ARMC8: variants seen among roughly 807,000 people sequenced by gnomAD.
ARMC8 encodes armadillo repeat containing 8, also known as armadillo repeat-containing protein 8.
In ARMC8, 20 loss-of-function variants were observed where a neutral mutation model predicts 99.3. The observed-to-expected ratio is 0.20, with a 90% CI of 0.14 to 0.29. The LOEUF is 0.29. Among genes scored for constraint, ARMC8 ranks in the 10% least tolerant of loss-of-function variants. ARMC8 has a pLI of 1.00. For synonymous variants in ARMC8, 263 were observed against 278.3 expected (o/e 0.95, Z 0.55); for missense variants, 569 against 809.5 (o/e 0.70, Z 3.60).
At chr3:138,233,523 A>G (rs573732557) in intron 6 of ARMC8, among the ~76,000 whole-genome samples, 1 of 152,318 alleles carries the variant, frequency 6.6e-6, no homozygotes, top group East Asian at 1.9e-4. Flanking sequence ...ATTAAAAATA[A>G]GAAACTCAAA....
At chr3:138,201,598 A>G (rs1389770066) in intron 1 of ARMC8, among the ~76,000 whole-genome samples, 2 of 151,474 alleles carry the variant, frequency 1.3e-5, no homozygotes, top group Admixed American at 6.6e-5. Flanking sequence ...AGTAGGTAGC[A>G]TTACAGGCAC....
intron 18 of ARMC8, among the ~76,000 whole-genome samples, chr3:138,282,021 G>C (rs140736088): frequency 6.6e-6 from 1 of 152,316 alleles, no homozygotes; most frequent in Non-Finnish European, 1.5e-5. Context: ...GAACAAGAGA[G>C]TAATAAGCTA....
intron 1 of ARMC8, among the ~76,000 whole-genome samples, chr3:138,204,689 A>G (rs376603049): frequency 1.3e-5 from 2 of 152,226 alleles, no homozygotes; most frequent in African/African-American, 4.8e-5. Context: ...AGGATTTGAC[A>G]TAGTTGATTA....
intron 9 of ARMC8, 71 bp downstream of exon 9, chr3:138,237,643 A>G (rs958031372): frequency 3.1e-6 from 4 of 1,302,818 alleles, no homozygotes; most frequent in Middle Eastern, 2.7e-4. Context: ...TGGACAACCA[A>G]ATTTGCTTGC....
intron 2 of ARMC8, among the ~76,000 whole-genome samples, chr3:138,215,766 T>C (rs990050654): frequency 6.6e-6 from 1 of 152,136 alleles, no homozygotes; most frequent in Admixed American, 6.5e-5. Flanking sequence ...TTTTCAAAAT[T>C]ATGTATTCAC....
At chr3:138,195,374 G>C (rs1397039608) in intron 1 of ARMC8, among the ~76,000 whole-genome samples, 1 of 152,046 alleles carries the variant, frequency 6.6e-6, no homozygotes. Context: ...TAATGGCAGT[G>C]TGTGAAAAAT....
chr3:138,230,763 A>C lies in ARMC8; in HGVS notation c.528+1753A>C, dbSNP rs367886279. 9.8e-5 allele frequency among the ~76,000 whole-genome samples: 15 copies of C among 152,338 alleles called. No individual in the cohort carries two copies. The South Asian group carries it at 3.1e-3, about 32-fold the overall frequency. ...GCTACTGAAAATTGGACCTGGAGGAATAACTACATGTTAAATTATTTTAAG... is the reference window on the plus strand; with the variant it reads ...GCTACTGAAAATTGGACCTGGAGGACTAACTACATGTTAAATTATTTTAAG... On this transcript the variant is annotated intron_variant, in intron 6 of 21. Coordinates refer to ENST00000469044, the MANE Select transcript of ARMC8 (RefSeq NM_001363941.2).
At chr3:138,209,295 G>A (rs187739247) in intron 1 of ARMC8, among the ~76,000 whole-genome samples, 1 of 152,142 alleles carries the variant, frequency 6.6e-6, no homozygotes, top group African/African-American at 2.4e-5. Flanking sequence ...TCTAGGGCTC[G>A]CCACAAAGGT....
intron 10 of ARMC8, 51 bp from the exon 11 acceptor site, chr3:138,241,732 T>C (rs767959495): frequency 6.5e-7 from 1 of 1,529,928 alleles, no homozygotes. Flanking sequence ...ACTATATGCT[T>C]AAGCTTTTAC....
chr3:138,285,070 C>G (rs893317950), intron 19 of ARMC8, among the ~76,000 whole-genome samples: 2 of 152,212 alleles, frequency 1.3e-5, no homozygotes, highest in African/African-American at 4.8e-5. Flanking sequence ...CTCCCCTTGT[C>G]ACACCTATCT....
At chr3:138,227,910 C>T (rs2045777154) in intron 5 of ARMC8, among the ~76,000 whole-genome samples, 1 of 152,176 alleles carries the variant, frequency 6.6e-6, no homozygotes, top group African/African-American at 2.4e-5. Context: ...AGCTAAGTCT[C>T]CTTTTTTATC....
intron 20 of ARMC8, 125 bp from the exon 21 acceptor site, chr3:138,290,421 G>A (rs980352547): frequency 2.9e-6 from 2 of 687,262 alleles, no homozygotes; most frequent in African/African-American, 1.8e-5. Context: ...GGAGAGGGTA[G>A]AGGACAAGGG....
rs2046874716 is a variant in ARMC8, at chr3:138,246,229, T to TA, written c.1134+1050dup. On this transcript the variant is annotated intron_variant, in intron 12 of 21. Transcript: ENST00000469044. ...ATTTGATGTGTGAGTAGCTTTGATT[T>TA]AAAATCAATGCAAAAAGCACAACTA... 1.4e-5 allele frequency: 14 copies of TA among 985,588 alleles called. No homozygotes were observed. In the South Asian group the frequency reaches 5.6e-4, roughly 40 times the overall value. The allele number at this position is 985,588 out of a possible 1,614,324, so 61.1% of individuals were successfully genotyped here.
chr3:138,257,759 G>A (rs2047479859), intron 12 of ARMC8, among the ~76,000 whole-genome samples: 1 of 152,158 alleles, frequency 6.6e-6, no homozygotes, highest in Non-Finnish European at 1.5e-5. Context: ...TGGGACTTGT[G>A]TTTCTTGACA....
At chr3:138,209,280 A>G (rs1253579165) in intron 1 of ARMC8, among the ~76,000 whole-genome samples, 2 of 152,214 alleles carry the variant, frequency 1.3e-5, no homozygotes, top group Non-Finnish European at 2.9e-5. Flanking sequence ...TCTGTTGGCA[A>G]AACTTCTAGG....
rs761248978 is a variant in ARMC8, at chr3:138,241,854, A to C, written c.909A>C (p.Thr303=). The change falls in exon 11 of 22, where the codon ACA becomes ACC. Residue 303 remains threonine, a synonymous_variant. Transcript: ENST00000469044. ...AGGAGAGAGTTGAAGGAGCTGAGAC[A>C]CTTGCCTATCTGATTGAACCAGATG... ...LLEERVEGAE[T]LAYLIEPDVE... 3 of 1,613,978 alleles carry C rather than the reference A, an allele frequency of 1.9e-6. No individual in the cohort carries two copies. In the African/African-American group the frequency reaches 4.0e-5, roughly 22 times the overall value.
intron 6 of ARMC8, 97 bp downstream of exon 6, chr3:138,229,107 T>C: frequency 2.2e-6 from 1 of 449,642 alleles, no homozygotes; most frequent in Non-Finnish European, 4.1e-6. Context: ...TAGTCATACA[T>C]ATATAAGTAG....
chr3:138,280,246 A>G (rs1316487665), intron 18 of ARMC8, among the ~76,000 whole-genome samples: 1 of 131,298 alleles, frequency 7.6e-6, no homozygotes, highest in East Asian at 2.0e-4. Flanking sequence ...GAGGTTTAGC[A>G]AAGAATCAGT....
intron 3 of ARMC8, among the ~76,000 whole-genome samples, chr3:138,223,047 A>ACATGGCATTTGAGAGTCTT (rs953985601): frequency 6.6e-6 from 1 of 152,230 alleles, no homozygotes; most frequent in African/African-American, 2.4e-5. Context: ...ATCTGGCAGC[A>ACATGGCATTTGAGAGTCTT]CATGGCATTT....
Sources: allele counts gnomAD v4.1 joint callset (sites outside exome capture counted in the v4.1 genomes callset), GRCh38; gene constraint gnomAD v4.1.1; transcripts MANE v1.5; gene names NCBI Gene and HGNC (gene_info 2026-07-23, HGNC 2026-07-21).